SIN3A: variants seen among roughly 807,000 people sequenced by gnomAD.
The protein encoded by SIN3A is SIN3 transcription regulator family member A, also known as paired amphipathic helix protein Sin3a.
SIN3A carries 14 observed loss-of-function variants against 146.1 expected under a neutral mutation model. The ratio of observed to expected loss-of-function variants is 0.10; its 90% CI spans 0.06 to 0.15. The LOEUF (loss-of-function observed/expected upper bound fraction) is 0.15, where lower values mean the gene tolerates loss of function less well. Among genes scored for constraint, SIN3A ranks in the 10% least tolerant of loss-of-function variants. The probability of loss-of-function intolerance (pLI) is 1.00; values close to 1 mark genes in which losing one functional copy is unlikely to be tolerated. For missense variants in SIN3A, 1,028 were observed against 1,576.0 expected (o/e 0.65, Z 5.89); for synonymous variants, 572 against 572.0 (o/e 1.00, Z 0.00).
At chr15:75,449,802 C>T (rs2074370362) in intron 1 of SIN3A, among the ~76,000 whole-genome samples, 1 of 152,104 alleles carries the variant, frequency 6.6e-6, no homozygotes, top group Non-Finnish European at 1.5e-5. Context: ...TTTTTTGAGG[C>T]GGAGTTTTGC....
chr15:75,433,552 C>T (rs1037288944), intron 1 of SIN3A, among the ~76,000 whole-genome samples: 1 of 152,106 alleles, frequency 6.6e-6, no homozygotes, highest in Admixed American at 6.6e-5. Flanking sequence ...TACTTTATTC[C>T]TTTAACAATT....
At chr15:75,400,976 G>A in intron 10 of SIN3A, 36 bp from the exon 11 acceptor site, 1 of 1,470,412 alleles carries the variant, frequency 6.8e-7, no homozygotes, top group East Asian at 2.3e-5. Context: ...AAGCAATTAG[G>A]GGCAGGATGC....
chr15:75,401,643 G>A (rs2073413901), intron 10 of SIN3A, among the ~76,000 whole-genome samples: 1 of 152,096 alleles, frequency 6.6e-6, no homozygotes, highest in Non-Finnish European at 1.5e-5. Context: ...CACTAGTCTT[G>A]GCCATTAGTC....
intron 8 of SIN3A, among the ~76,000 whole-genome samples, chr15:75,407,865 C>A (rs1271197759): frequency 8.0e-6 from 1 of 125,584 alleles, no homozygotes; most frequent in African/African-American, 3.1e-5. Context: ...TGCACTCCAG[C>A]CTGGGCAACA....
chr15:75,435,916 G>A (rs886880384), intron 1 of SIN3A, among the ~76,000 whole-genome samples: 1 of 152,006 alleles, frequency 6.6e-6, no homozygotes, highest in African/African-American at 2.4e-5. Flanking sequence ...CTTGAGCCCA[G>A]GAGCTGGAGA....
At chr15:75,447,174 A>G (rs945395572) in intron 1 of SIN3A, among the ~76,000 whole-genome samples, 1 of 152,234 alleles carries the variant, frequency 6.6e-6, no homozygotes, top group Non-Finnish European at 1.5e-5. Flanking sequence ...TTAGGTTTCA[A>G]AAGAATCACT....
intron 1 of SIN3A, among the ~76,000 whole-genome samples, chr15:75,441,021 G>A (rs2141610426): frequency 6.7e-6 from 1 of 149,748 alleles, no homozygotes; most frequent in Admixed American, 6.7e-5. Flanking sequence ...AAAAGAAACA[G>A]GGTTGGCCAG....
intron 20 of SIN3A, among the ~76,000 whole-genome samples, chr15:75,373,936 G>A (rs572886424): frequency 2.4e-4 from 36 of 152,086 alleles, no homozygotes; most frequent in African/African-American, 8.0e-4. Flanking sequence ...ACCCCTTGTC[G>A]TTAAAGGGTT....
In SIN3A at chr15:75,449,705, A is replaced by G. The variant is rs183974042; in HGVS notation, c.-34+1718T>C. Among the ~76,000 whole-genome samples, 757 of 152,346 alleles carry G rather than the reference A, an allele frequency of 5.0e-3. 4 individuals are homozygous for G. The highest frequency in any genetic ancestry group is 6.6e-3 in the Non-Finnish European group (446 of 68,016). On this transcript the variant is annotated intron_variant, in intron 1 of 20. Transcript: ENST00000394947. Reference sequence around the variant, plus strand: ...TAGAAAGTGGTCTAGATGGTCTAACATAAGTACATAAAATAAAAAAGAAAA... The same window carrying G: ...TAGAAAGTGGTCTAGATGGTCTAACGTAAGTACATAAAATAAAAAAGAAAA...
chr15:75,419,994 T>C (rs1185229987), intron 3 of SIN3A: 2 of 152,142 alleles, frequency 1.3e-5, no homozygotes, highest in South Asian at 2.1e-4. Context: ...AATGCATGTA[T>C]ACAGTTCTAG....
At chr15:75,430,086 C>T (rs2073989892) in intron 2 of SIN3A, 101 bp downstream of exon 2, 2 of 850,358 alleles carry the variant, frequency 2.4e-6, no homozygotes, top group South Asian at 3.4e-5. Context: ...ACATACTCAA[C>T]AATTTTTAAT....
rs2072845848 is a variant in SIN3A, at chr15:75,375,889, C to T, written c.3384-17G>A. The T allele has an allele frequency of 6.2e-7, 1 of 1,613,140 alleles. No homozygotes were observed. The highest frequency in any genetic ancestry group is 8.5e-7 in the Non-Finnish European group (1 of 1,179,822). ...CGTAGATTCCTATTGCAGAAAAGCCCCGGAGGATGAGAGCTCGTCCAGATG... is the reference window on the plus strand; with the variant it reads ...CGTAGATTCCTATTGCAGAAAAGCCTCGGAGGATGAGAGCTCGTCCAGATG... On this transcript the variant is annotated splice_polypyrimidine_tract_variant and intron_variant, in intron 19 of 20. Coordinates refer to ENST00000394947, the MANE Select transcript of SIN3A (RefSeq NM_001145358.2).
At chr15:75,400,180 GAAAC>G (rs2073384155) in intron 11 of SIN3A, 24 bp from the exon 12 acceptor site, 2 of 1,359,908 alleles carry the variant, frequency 1.5e-6, no homozygotes, top group Non-Finnish European at 2.1e-6. Context: ...AAGAGAGACT[GAAAC>G]AAAAGCCTAA....
At chr15:75,373,894 C>G (rs1167258359) in intron 20 of SIN3A, among the ~76,000 whole-genome samples, 1 of 152,122 alleles carries the variant, frequency 6.6e-6, no homozygotes. Flanking sequence ...AAATTATACA[C>G]AGATTTGACT....
intron 16 of SIN3A, among the ~76,000 whole-genome samples, chr15:75,386,740 C>G (rs1478278120): frequency 5.3e-5 from 8 of 152,294 alleles, no homozygotes; most frequent in South Asian, 4.1e-4. Context: ...TGGTGTGGTC[C>G]TATTTTGAGT....
intron 1 of SIN3A, chr15:75,446,386 G>A (rs1330862933): frequency 6.7e-6 from 1 of 149,972 alleles, no homozygotes; most frequent in Admixed American, 6.8e-5. Context: ...ACAGCATGAA[G>A]GCTGGGTAGC....
chr15:75,406,070 G>C (rs1230861613), intron 9 of SIN3A, among the ~76,000 whole-genome samples: 1 of 152,166 alleles, frequency 6.6e-6, no homozygotes, highest in African/African-American at 2.4e-5. Flanking sequence ...TAAATCATCT[G>C]CCCTTCTGCA....
rs201113909 is a variant in SIN3A, at chr15:75,392,529, T to C, written c.2564A>G (p.Asn855Ser). The C allele has an allele frequency of 1.6e-4, 256 of 1,614,166 alleles. No individual in the cohort carries two copies. Among genetic ancestry groups the C allele is most frequent in the Admixed American group, 6.5e-4 (39 of 60,026 alleles). The change falls in exon 15 of 21, where the codon AAT becomes AGT. Residue 855 changes from asparagine (N) to serine (S), a missense_variant. Physicochemically the swap from Asn to Ser is conservative, Grantham distance 46 (BLOSUM62 1). Around this residue, in one of 9 missense-constraint regions of SIN3A, gnomAD observed 488 missense variants for 690.2 expected, o/e 0.71. Coordinates refer to ENST00000394947, the MANE Select transcript of SIN3A (RefSeq NM_001145358.2). ...CTTAGGGGGACTGCCCCCAACACCA[T>C]TGTGCTTCTTAACTGCCCCTGTGGC... is the stretch of plus-strand genomic sequence containing the variant. ...DEATGAVKKH[N>S]GVGGSPPKSK...
chr15:75,439,699 C>T (rs1274036152), intron 1 of SIN3A, among the ~76,000 whole-genome samples: 1 of 151,864 alleles, frequency 6.6e-6, no homozygotes, highest in African/African-American at 2.4e-5. Flanking sequence ...TATACCATTA[C>T]GCATTGGCCA....
Sources: allele counts gnomAD v4.1 joint callset (sites outside exome capture counted in the v4.1 genomes callset), GRCh38; gene constraint gnomAD v4.1.1; regional missense constraint gnomAD v4.1.1; transcripts MANE v1.5; gene names NCBI Gene and HGNC (gene_info 2026-07-23, HGNC 2026-07-21).